ANO4: variants seen among roughly 807,000 people sequenced by gnomAD.
ANO4 encodes the protein anoctamin-4.
ANO4 carries 69 observed loss-of-function variants against 141.9 expected under a neutral mutation model. That is an observed-to-expected ratio of 0.49 (90% CI 0.40 to 0.59). The LOEUF (loss-of-function observed/expected upper bound fraction) is 0.59. Ranked by LOEUF, ANO4 falls within the 20% of genes least tolerant of loss-of-function variation. The pLI is 0.00. For synonymous variants in ANO4, 350 were observed against 394.3 expected (o/e 0.89, Z 1.33); for missense variants, 894 against 1,162.2 (o/e 0.77, Z 3.36).
chr12:100,885,624 T>C, intron 1 of ANO4: 1 of 152,232 alleles, frequency 6.6e-6, no homozygotes, highest in East Asian at 1.9e-4. Flanking sequence ...CTACATATGA[T>C]TGATGTGGTG....
intron 8 of ANO4, among the ~76,000 whole-genome samples, chr12:100,990,540 A>G (rs1284079350): frequency 6.6e-6 from 1 of 152,248 alleles, no homozygotes; most frequent in Non-Finnish European, 1.5e-5. Flanking sequence ...TAATTTGTCA[A>G]ATAATTGATT....
intron 1 of ANO4, among the ~76,000 whole-genome samples, chr12:100,895,847 C>T (rs930267677): frequency 4.6e-5 from 7 of 151,952 alleles, no homozygotes; most frequent in African/African-American, 7.3e-5. Context: ...TAGGTGTGAG[C>T]CACTGTGCCT....
chr12:101,036,955 T>C, intron 9 of ANO4, 140 bp from the exon 10 acceptor site: 2 of 692,740 alleles, frequency 2.9e-6, no homozygotes, highest in Non-Finnish European at 4.6e-6. Context: ...CAGCAGAGCT[T>C]TTTTTCTAAC....
chr12:100,862,954 G>A (rs548444173), intron 1 of ANO4, among the ~76,000 whole-genome samples: 17 of 152,204 alleles, frequency 1.1e-4, no homozygotes, highest in African/African-American at 3.9e-4. Flanking sequence ...AAGTAGGGTG[G>A]GACAGTGTTA....
chr12:101,070,678 G>C (rs1746051089), intron 14 of ANO4, among the ~76,000 whole-genome samples: 1 of 152,094 alleles, frequency 6.6e-6, no homozygotes, highest in African/African-American at 2.4e-5. Context: ...ATCACGTCAA[G>C]TTAAAAATCT....
At chr12:100,762,130 C>T (rs886101287) in intron 3 of ANO4, among the ~76,000 whole-genome samples, 2 of 152,192 alleles carry the variant, frequency 1.3e-5, no homozygotes, top group African/African-American at 4.8e-5. Flanking sequence ...ATTTCTTACT[C>T]TTCAAAAGTC....
chr12:100,902,652 A>G (rs1376779151), intron 2 of ANO4, among the ~76,000 whole-genome samples: 1 of 152,102 alleles, frequency 6.6e-6, no homozygotes, highest in East Asian at 1.9e-4. Context: ...CTCCATCTCT[A>G]CTCATGTCAC....
chr12:101,077,819 A>G (rs1321264032), intron 14 of ANO4, among the ~76,000 whole-genome samples: 2 of 152,162 alleles, frequency 1.3e-5, no homozygotes, highest in Non-Finnish European at 2.9e-5. Context: ...TAGGGGAAAA[A>G]CACTTAAAAT....
intron 1 of ANO4, among the ~76,000 whole-genome samples, chr12:100,721,977 C>T (rs144094091): frequency 1.1e-4 from 17 of 152,064 alleles, no homozygotes; most frequent in African/African-American, 2.2e-4. Flanking sequence ...TGAGCCACCA[C>T]GCCTGGCCTG....
chr12:100,840,025 T>C (rs1443919626), intron 1 of ANO4, among the ~76,000 whole-genome samples: 1 of 152,102 alleles, frequency 6.6e-6, no homozygotes, highest in Non-Finnish European at 1.5e-5. Flanking sequence ...CAGATGCTGC[T>C]GAGGCTGTGG....
At chr12:101,096,472 A>C in intron 18 of ANO4, 64 bp from the exon 19 acceptor site, 2 of 1,280,850 alleles carry the variant, frequency 1.6e-6, no homozygotes, top group Non-Finnish European at 2.3e-6. Context: ...TGGGGAGGGA[A>C]AGAGAGGGAG....
At chr12:101,032,984 C>T (rs1318874674) in intron 9 of ANO4, among the ~76,000 whole-genome samples, 3 of 152,032 alleles carry the variant, frequency 2.0e-5, no homozygotes, top group South Asian at 2.1e-4. Context: ...ACCCAAAGGA[C>T]TATAAATCAT....
chr12:101,032,491 T>C (rs1238095300), intron 9 of ANO4, among the ~76,000 whole-genome samples: 4 of 152,144 alleles, frequency 2.6e-5, no homozygotes, highest in African/African-American at 9.7e-5. Context: ...CTAAAGAGCT[T>C]CTGCACAGCA....
intron 2 of ANO4, among the ~76,000 whole-genome samples, chr12:100,919,520 C>T (rs899759667): frequency 6.6e-6 from 1 of 152,142 alleles, no homozygotes; most frequent in African/African-American, 2.4e-5. Context: ...CAATAGGCTG[C>T]ACCATGTAAC....
intron 8 of ANO4, among the ~76,000 whole-genome samples, chr12:100,993,142 T>C (rs1242692319): frequency 1.3e-5 from 2 of 152,154 alleles, no homozygotes; most frequent in East Asian, 1.9e-4. Context: ...TGAGTTATGA[T>C]TGTGCCACCA....
At chr12:100,955,808 A>C (rs1030763593) in intron 5 of ANO4, among the ~76,000 whole-genome samples, 10 of 152,156 alleles carry the variant, frequency 6.6e-5, no homozygotes, top group Non-Finnish European at 4.4e-5. Flanking sequence ...TTAGATATTC[A>C]CCAAGTCAGA....
At chr12:100,948,166 A>G (rs1313568409) in intron 5 of ANO4, among the ~76,000 whole-genome samples, 2 of 151,440 alleles carry the variant, frequency 1.3e-5, no homozygotes, top group African/African-American at 4.8e-5. Flanking sequence ...AAAAAAAAAA[A>G]AAAAAAAAAA....
intron 1 of ANO4, among the ~76,000 whole-genome samples, chr12:100,842,681 GTC>G (rs946532998): frequency 6.6e-6 from 1 of 152,200 alleles, no homozygotes; most frequent in African/African-American, 2.4e-5. Flanking sequence ...CAGATTCAGT[GTC>G]TGGTGAGGGC....
At chr12:100,794,298 A>G (rs914920015), upstream of ANO4, among the ~76,000 whole-genome samples, 7 of 152,228 alleles carry the variant, frequency 4.6e-5, no homozygotes, top group African/African-American at 1.7e-4. Flanking sequence ...GGACTGTGAC[A>G]TGCCATCAGA....
Sources: allele counts gnomAD v4.1 joint callset (sites outside exome capture counted in the v4.1 genomes callset), GRCh38; gene constraint gnomAD v4.1.1; transcripts MANE v1.5; gene names NCBI Gene and HGNC (gene_info 2026-07-23, HGNC 2026-07-21).